Variants in RMST observed in about 807,000 individuals in gnomAD.
RMST encodes rhabdomyosarcoma 2 associated transcript, also known as long intergenic non-protein coding RNA 54.
chr12:97,512,625 A>G (rs888266240), intron 10 of RMST, among the ~76,000 whole-genome samples: 22 of 152,214 alleles, frequency 1.4e-4, no homozygotes, highest in African/African-American at 5.3e-4. Context: ...ACAAACCTTG[A>G]GCTAGATACA....
chr12:97,524,593 T>G (rs959474829), intron 10 of RMST, among the ~76,000 whole-genome samples: 1 of 152,162 alleles, frequency 6.6e-6, no homozygotes, highest in Non-Finnish European at 1.5e-5. Flanking sequence ...CTAATCTGTT[T>G]AACTATCATC....
exon 9 of RMST, chr12:97,494,871 C>T (rs1877223224): frequency 1.3e-5 from 2 of 152,132 alleles, no homozygotes; most frequent in Non-Finnish European, 2.9e-5. Flanking sequence ...TTGGATGTCA[C>T]ATCTGATAAG....
intron 10 of RMST, among the ~76,000 whole-genome samples, chr12:97,509,439 CACTTTATAT>C (rs1429429594): frequency 6.6e-6 from 1 of 152,158 alleles, no homozygotes; most frequent in Non-Finnish European, 1.5e-5. Context: ...CCAAATACAT[CACTTTATAT>C]TTTAGGGCCT....
chr12:97,526,336 G>A (rs562897557), intron 10 of RMST, among the ~76,000 whole-genome samples: 3 of 151,898 alleles, frequency 2.0e-5, no homozygotes, highest in East Asian at 1.9e-4. Context: ...CTTTCATATC[G>A]GTACTCCTAC....
chr12:97,515,813 G>GA (rs1879868076), intron 10 of RMST, among the ~76,000 whole-genome samples: 1 of 151,980 alleles, frequency 6.6e-6, no homozygotes, highest in South Asian at 2.1e-4. Flanking sequence ...AATAGCTTCT[G>GA]AAAATATATG....
At chr12:97,499,675 A>G (rs1331881403) in intron 10 of RMST, among the ~76,000 whole-genome samples, 3 of 84,982 alleles carry the variant, frequency 3.5e-5, no homozygotes, top group African/African-American at 1.9e-4. Flanking sequence ...TTTTTTTTTG[A>G]GACAGAGTCT....
At chr12:97,495,864 C>T (rs1430029919) in intron 9 of RMST, 2 of 152,066 alleles carry the variant, frequency 1.3e-5, no homozygotes, top group African/African-American at 2.4e-5. Context: ...GCTTTGTTGT[C>T]GTCCTTCTGG....
At chr12:97,482,803 T>TTAAATAAATTTATATTATTTATTTAA (rs1875573184) in intron 5 of RMST, among the ~76,000 whole-genome samples, 1 of 143,776 alleles carries the variant, frequency 7.0e-6, no homozygotes, top group African/African-American at 2.6e-5. Flanking sequence ...TATTTATTTA[T>TTAAATAAATTTATATTATTTATTTAA]TAAATAAATT....
chr12:97,517,264 A>G (rs1880031625), intron 10 of RMST, among the ~76,000 whole-genome samples: 1 of 151,968 alleles, frequency 6.6e-6, no homozygotes, highest in Admixed American at 6.5e-5. Context: ...CCTTCACACC[A>G]TCTTCAAGTG....
chr12:97,563,557 C>A, intron 13 of RMST: 3 of 311,400 alleles, frequency 9.6e-6, no homozygotes, highest in South Asian at 5.5e-5. Flanking sequence ...TCCAGGAATT[C>A]TTCCCAGTGT....
intron 11 of RMST, among the ~76,000 whole-genome samples, chr12:97,559,068 T>C (rs1361208955): frequency 1.3e-5 from 2 of 151,280 alleles, no homozygotes; most frequent in Non-Finnish European, 2.9e-5. Flanking sequence ...TGGTTTTAGA[T>C]GCAAATATGA....
chr12:97,506,675 GT>G (rs780505590), intron 10 of RMST, among the ~76,000 whole-genome samples: 1,673 of 76,978 alleles, frequency 0.022, 8 homozygotes, highest in African/African-American at 0.064. Flanking sequence ...AGGGTAATCT[GT>G]TTTTTTTTTT....
chr12:97,502,320 T>C (rs921843711), intron 10 of RMST, among the ~76,000 whole-genome samples: 3 of 152,196 alleles, frequency 2.0e-5, no homozygotes, highest in African/African-American at 7.2e-5. Flanking sequence ...ATTTATGGAG[T>C]GCACACTTAT....
At chr12:97,520,949 A>G (rs1880450292) in intron 10 of RMST, among the ~76,000 whole-genome samples, 1 of 152,254 alleles carries the variant, frequency 6.6e-6, no homozygotes, top group African/African-American at 2.4e-5. Context: ...AGTTAGAATC[A>G]GAACAAATCC....
intron 5 of RMST, among the ~76,000 whole-genome samples, chr12:97,468,419 C>G (rs1214893885): frequency 6.6e-6 from 1 of 152,050 alleles, no homozygotes; most frequent in African/African-American, 2.4e-5. Flanking sequence ...TCCTATAATA[C>G]TACACTGTAT....
chr12:97,466,876 CTT>C (rs1873254309), intron 5 of RMST, among the ~76,000 whole-genome samples: 1 of 152,034 alleles, frequency 6.6e-6, no homozygotes, highest in East Asian at 1.9e-4. Context: ...GCATTGAACT[CTT>C]GAGATAAAAC....
intron 10 of RMST, among the ~76,000 whole-genome samples, chr12:97,496,340 G>T (rs918065068): frequency 5.3e-5 from 8 of 151,992 alleles, no homozygotes; most frequent in African/African-American, 1.7e-4. Flanking sequence ...AGAAGAATTA[G>T]AAGAATTCCA....
Position 97,507,382 on chromosome 12 carries a change from A to G in RMST, n.1340+11326A>G, listed in dbSNP as rs550371136. Among the ~76,000 whole-genome samples, 9 of 151,610 alleles carry G rather than the reference A, an allele frequency of 5.9e-5. No homozygotes were observed. The South Asian group carries it at 1.5e-3, about 24-fold the overall frequency. On this transcript the variant is annotated intron_variant and non_coding_transcript_variant, in intron 10 of 13. Coordinates refer to ENST00000640149, the Ensembl canonical transcript of RMST. ...CAGGAATTGTTAGAAAGATTTCATTATTTTCCAGCCTCCAAAATAATGAGG... is the reference window on the plus strand; with the variant it reads ...CAGGAATTGTTAGAAAGATTTCATTGTTTTCCAGCCTCCAAAATAATGAGG...
chr12:97,517,420 C>A (rs1880046027), intron 10 of RMST, among the ~76,000 whole-genome samples: 1 of 151,794 alleles, frequency 6.6e-6, no homozygotes, highest in South Asian at 2.1e-4. Flanking sequence ...ACATGTAAAT[C>A]AAAAGGGGAA....
Sources: gnomAD v4.1 joint callset for allele counts (sites outside exome capture counted in the v4.1 genomes callset) on GRCh38, gnomAD v4.1.1 for gene constraint, MANE v1.5 for transcripts, NCBI Gene and HGNC (gene_info 2026-07-23, HGNC 2026-07-21) for gene names.